The following ARRDC5 variants were observed in gnomAD, a reference collection of about 807,000 sequenced individuals.
ARRDC5 encodes arrestin domain-containing protein 5.
A neutral mutation model predicts 13.3 loss-of-function variants in ARRDC5; 12 were observed. The ratio of observed to expected loss-of-function variants is 0.90; its 90% CI spans 0.58 to 1.46. The LOEUF (loss-of-function observed/expected upper bound fraction) is 1.46. Ranked by LOEUF, ARRDC5 falls within the 40% of genes most tolerant of loss-of-function variation. The pLI, the probability that ARRDC5 is intolerant of heterozygous loss-of-function variation, is 0.00. For missense variants in ARRDC5, 406 were observed against 418.7 expected (o/e 0.97, Z 0.26); for synonymous variants, 181 against 173.4 (o/e 1.04, Z -0.34).
chr19:4,916,412 C>T, the ARRDC5 span, among the ~76,000 whole-genome samples: 9 of 152,160 alleles, frequency 5.9e-5, no homozygotes, highest in East Asian at 3.9e-4. Context: ...TCCCTGGTGA[C>T]GCAGCCTCCA....
intron 2 of ARRDC5, among the ~76,000 whole-genome samples, chr19:4,893,148 T>A: frequency 7.1e-6 from 1 of 140,892 alleles, no homozygotes; most frequent in Non-Finnish European, 1.5e-5. Flanking sequence ...ATTATATTAT[T>A]AGAATATATA....
chr19:4,906,895 GCTCAAGCCGT>G (rs1426608486), upstream of ARRDC5, among the ~76,000 whole-genome samples: 1 of 152,258 alleles, frequency 6.6e-6, no homozygotes, highest in African/African-American at 2.4e-5. Flanking sequence ...TTTTGGAAGA[GCTCAAGCCGT>G]CTCACACCCT....
In ARRDC5 at chr19:4,891,402, C is replaced by T. The variant is rs764487365; in HGVS notation, c.631G>A (p.Ala211Thr). The change falls in exon 3 of 3, where the codon GCC becomes ACC. Residue 211 changes from alanine (A) to threonine (T), a missense_variant. Ala to Thr is a moderately conservative substitution (Grantham distance 58). Transcript: ENST00000650722. ...TSKCIKTVVF[A>T]LYAHIQYEGF... ...TCGTACTGTATGTGGGCATACAGGGCGAATACGACCGTCTTGATGCATTTG... is the reference window on the plus strand; with the variant it reads ...TCGTACTGTATGTGGGCATACAGGGTGAATACGACCGTCTTGATGCATTTG... 55 of 1,613,034 alleles carry T rather than the reference C, an allele frequency of 3.4e-5. No individual in the cohort carries two copies. Among genetic ancestry groups the T allele is most frequent in the South Asian group, 5.5e-5 (5 of 91,080 alleles).
intron 1 of ARRDC5, among the ~76,000 whole-genome samples, chr19:4,898,081 C>T (rs2031794415): frequency 6.6e-6 from 1 of 151,844 alleles, no homozygotes; most frequent in Admixed American, 6.6e-5. Context: ...AGCGAGACGC[C>T]ATCTCTAAAA....
chr19:4,911,052 C>T, the ARRDC5 span: 1 of 1,570,526 alleles, frequency 6.4e-7, no homozygotes, highest in Middle Eastern at 2.0e-4. Flanking sequence ...CACCCGCCGC[C>T]AGCACCTTTG....
At chr19:4,900,061 G>C (rs908929683) in intron 1 of ARRDC5, among the ~76,000 whole-genome samples, 1 of 150,650 alleles carries the variant, frequency 6.6e-6, no homozygotes, top group Non-Finnish European at 1.5e-5. Context: ...TGCAACCTCC[G>C]TCTCCCTTGG....
At chr19:4,900,140 T>C (rs1214323699) in intron 1 of ARRDC5, among the ~76,000 whole-genome samples, 4 of 110,098 alleles carry the variant, frequency 3.6e-5, no homozygotes, top group Non-Finnish European at 7.8e-5. Flanking sequence ...TTTCTGTTTC[T>C]TTCTTTTTTT....
At chr19:4,894,633 G>A (rs1258783514) in intron 2 of ARRDC5, among the ~76,000 whole-genome samples, 1 of 148,600 alleles carries the variant, frequency 6.7e-6, no homozygotes, top group Non-Finnish European at 1.5e-5. Flanking sequence ...GCAGTGAGCC[G>A]AGATCGCGCC....
At position 4,902,725 on chromosome 19, in the gene ARRDC5, G is replaced by A; in HGVS notation, c.101C>T (p.Thr34Ile). The A allele has an allele frequency of 1.2e-6, 2 of 1,613,994 alleles. No individual in the cohort carries two copies. Among genetic ancestry groups the A allele is most frequent in the Non-Finnish European group, 1.7e-6 (2 of 1,179,898 alleles). Residue 34 changes from threonine (T) to isoleucine (I), a missense_variant, in exon 1 of 3, where the codon ACC becomes ATC. Transcript: ENST00000650722. ...KGQVILTLNS[T>I]LVDPIVKVEL... The stretch of plus-strand genomic sequence containing the variant: ...CACCTTCACTATGGGGTCCACCAGG[G>A]TGCTGTTCAGGGTTAAGATCACCTG...
chr19:4,903,034 T>TCAC (rs1555742282), upstream of ARRDC5: 35 of 599,262 alleles, frequency 5.8e-5, no homozygotes, highest in East Asian at 7.5e-4. Flanking sequence ...TGGTTCTTTT[T>TCAC]TTTTTTTTTT....
rs538950224 is a variant in ARRDC5, at chr19:4,900,113, C to T, written c.253+2460G>A. ...GATTACAGGCATGAGCCACCGCGCC[C>T]GGCCAGCAGTCTTTTTTTTCTGTTT... On this transcript the variant is annotated intron_variant, in intron 1 of 2. Transcript: ENST00000650722. Among the ~76,000 whole-genome samples the T allele has an allele frequency of 3.9e-4, 57 of 146,194 alleles. 2 individuals carry two copies. Among genetic ancestry groups the T allele is most frequent in the Non-Finnish European group, 7.7e-4 (51 of 66,512 alleles).
chr19:4,909,506 A>G, the ARRDC5 span: 1 of 657,846 alleles, frequency 1.5e-6, no homozygotes, highest in East Asian at 3.2e-5. Flanking sequence ...AAATCAGAGC[A>G]GCTGGCAGCG....
chr19:4,896,629 G>T, intron 2 of ARRDC5, 42 bp downstream of exon 2: 1 of 1,468,928 alleles, frequency 6.8e-7, no homozygotes, highest in Non-Finnish European at 9.5e-7. Flanking sequence ...CCTCCTTGGA[G>T]CTTGGAGATT....
chr19:4,894,508 C>A (rs1192655048), intron 2 of ARRDC5, among the ~76,000 whole-genome samples: 1 of 16,186 alleles, frequency 6.2e-5, no homozygotes, highest in Non-Finnish European at 1.0e-4. Flanking sequence ...GAGACTCCGT[C>A]TCAAAAAAAA....
chr19:4,891,461 ACCT>A lies in ARRDC5; in HGVS notation c.569_571del (p.Lys190_Val191delinsIle). ...GTTGTTGATCTCTGTTGTGAAGACGACCTTCTCTCCTGGCGTGAAGGTGTTCCT... is the reference window on the plus strand; with the variant it reads ...GTTGTTGATCTCTGTTGTGAAGACGATCTCTCCTGGCGTGAAGGTGTTCCT... On this transcript the variant is annotated inframe_deletion, in exon 3 of 3. Coordinates refer to ENST00000650722, the MANE Select transcript of ARRDC5 (RefSeq NM_001080523.3). 6.2e-7 allele frequency: 1 copy of A among 1,613,690 alleles called. No individual in the cohort carries two copies. The highest frequency in any genetic ancestry group is 1.6e-4 in the Middle Eastern group (1 of 6,062).
At chr19:4,909,013 T>G in the ARRDC5 span, among the ~76,000 whole-genome samples, 3 of 151,496 alleles carry the variant, frequency 2.0e-5, no homozygotes, top group Non-Finnish European at 4.4e-5. Context: ...GTGGGTAGAG[T>G]GGGGAGCCCT....
chr19:4,897,188 C>T (rs1185614194), intron 1 of ARRDC5, among the ~76,000 whole-genome samples: 3 of 152,144 alleles, frequency 2.0e-5, no homozygotes, highest in Non-Finnish European at 4.4e-5. Context: ...AACTCCTGGC[C>T]TCCGGCGATC....
chr19:4,898,423 G>A (rs1007659801), intron 1 of ARRDC5, among the ~76,000 whole-genome samples: 19 of 151,854 alleles, frequency 1.3e-4, no homozygotes, highest in African/African-American at 2.9e-4. Context: ...GTGCAGTGGC[G>A]TGATCCTGGC....
At chr19:4,900,203 A>T (rs1348407433) in intron 1 of ARRDC5, among the ~76,000 whole-genome samples, 5 of 128,486 alleles carry the variant, frequency 3.9e-5, no homozygotes, top group African/African-American at 1.5e-4. Context: ...GCTGGAGTGC[A>T]GTGGCGTGAT....
Sources: gnomAD v4.1 joint callset for allele counts (sites outside exome capture counted in the v4.1 genomes callset) on GRCh38, gnomAD v4.1.1 for gene constraint, MANE v1.5 for transcripts, NCBI Gene and HGNC (gene_info 2026-07-23, HGNC 2026-07-21) for gene names.